Variants in CDCA8 observed in about 807,000 individuals in gnomAD.
CDCA8 encodes cell division cycle associated 8, also known as borealin.
Under a neutral mutation model 40.0 loss-of-function variants are expected in CDCA8, and 25 were observed. The ratio of observed to expected loss-of-function variants is 0.63; its 90% CI spans 0.46 to 0.87. The LOEUF (loss-of-function observed/expected upper bound fraction) is 0.87, where lower values mean the gene tolerates loss of function less well. Among genes scored for constraint, CDCA8 ranks in the 40% least tolerant of loss-of-function variants. CDCA8 has a pLI of 0.00. For synonymous variants in CDCA8, 111 were observed against 126.5 expected, an observed-to-expected ratio of 0.88 and a Z score of 0.82; for missense variants, 280 against 348.4, an observed-to-expected ratio of 0.80 and a Z score of 1.56.
Position 37,694,970 on chromosome 1 carries a change from G to C in CDCA8, c.224-940G>C, listed in dbSNP as rs141148102. Among the ~76,000 whole-genome samples, 11 of 152,340 alleles carry C rather than the reference G, an allele frequency of 7.2e-5. No homozygotes were observed. The East Asian group carries it at 1.9e-3, about 27-fold the overall frequency. On this transcript the variant is annotated intron_variant, in intron 2 of 9. Coordinates refer to ENST00000373055, the MANE Select transcript of CDCA8 (RefSeq NM_001256875.2). ...CATCTCTGGAATTCAGTCCAAGGCA[G>C]GGATGGACATTTAAACAGCTTTGAG...
chr1:37,700,684 G>A (rs909971607), intron 5 of CDCA8, among the ~76,000 whole-genome samples, 163 bp downstream of exon 5: 1 of 152,218 alleles, frequency 6.6e-6, no homozygotes, highest in Admixed American at 6.5e-5. Context: ...AAAGTGTGTA[G>A]AACACAGAAG....
At chr1:37,701,857 T>C (rs374224778) in intron 6 of CDCA8, 39 bp downstream of exon 6, 3 of 1,483,246 alleles carry the variant, frequency 2.0e-6, no homozygotes, top group African/African-American at 1.4e-5. Flanking sequence ...TTGGGTTTTA[T>C]TGGAGAGCCA....
intron 6 of CDCA8, among the ~76,000 whole-genome samples, chr1:37,703,040 A>G (rs551874764): frequency 3.8e-4 from 58 of 151,930 alleles, no homozygotes; most frequent in Non-Finnish European, 7.1e-4. Flanking sequence ...GATCTTGGGC[A>G]AGTTTTTAAA....
In CDCA8 at chr1:37,695,959, C is replaced by T; in HGVS notation, c.264+9C>T. 1 of 1,613,522 alleles carries T rather than the reference C, an allele frequency of 6.2e-7. No individual in the cohort carries two copies. The highest frequency in any genetic ancestry group is 8.5e-7 in the Non-Finnish European group (1 of 1,179,476). ...TGGAAGAGGCGGCAACAGTAAGTGA[C>T]CTTTCCTATTTTCCAGCCAGTGGTT... On this transcript the variant is annotated intron_variant, in intron 3 of 9. Transcript: ENST00000373055.
rs1393974542 is a variant in CDCA8, at chr1:37,708,530, T to C, written c.*164T>C. On this transcript the variant is annotated 3_prime_UTR_variant, in exon 10 of 10. Transcript: ENST00000373055. The stretch of plus-strand genomic sequence containing the variant: ...ACGTGCTAGTCCCACACCAGTTAGG[T>C]AGAGCTGTCTGTTCACCCTCCCATC... 3.0e-6 allele frequency: 2 copies of C among 656,374 alleles called. No homozygotes were observed. Among genetic ancestry groups the C allele is most frequent in the East Asian group, 5.6e-5 (2 of 36,036 alleles). The allele number at this position is 656,374 out of a possible 1,614,324, so 40.7% of individuals were successfully genotyped here.
chr1:37,703,018 A>G (rs200530481), intron 6 of CDCA8, among the ~76,000 whole-genome samples: 1 of 151,456 alleles, frequency 6.6e-6, no homozygotes, highest in African/African-American at 2.4e-5. Context: ...GCTCCATCCT[A>G]ATTGGATATG....
At chr1:37,708,210 T>A in intron 9 of CDCA8, 112 bp from the exon 10 acceptor site, 1 of 894,904 alleles carries the variant, frequency 1.1e-6, no homozygotes, top group South Asian at 1.3e-5. Flanking sequence ...GAAAGGTGAA[T>A]TCATGTGTGA....
At chr1:37,695,278 A>G (rs1392197816) in intron 2 of CDCA8, among the ~76,000 whole-genome samples, 3 of 151,164 alleles carry the variant, frequency 2.0e-5, no homozygotes, top group African/African-American at 4.9e-5. Context: ...CTATAATCCT[A>G]GCACTTTGGG....
Position 37,707,042 on chromosome 1 carries a change from T to C in CDCA8, c.776T>C (p.Leu259Ser). ...ATTGCCCAGCTGGATCCAGAGGCCT[T>C]GGGAAACATTAAGAAGCTCTCCGTA... ...HSIAQLDPEA[L>S]GNIKKLSNRL... The change falls in exon 9 of 10, where the codon TTG (leucine) becomes TCG (serine). Residue 259 changes from leucine to serine, a missense_variant. Transcript: ENST00000373055. 6.2e-7 allele frequency: 1 copy of C among 1,614,138 alleles called. No homozygotes were observed.
intron 9 of CDCA8, among the ~76,000 whole-genome samples, chr1:37,707,293 C>T (rs934406262): frequency 6.6e-6 from 1 of 152,248 alleles, no homozygotes; most frequent in South Asian, 2.1e-4. Context: ...AGAAGTTCCA[C>T]TGCAAAATCA....
chr1:37,697,885 T>C (rs1645538351), intron 3 of CDCA8, among the ~76,000 whole-genome samples: 1 of 152,214 alleles, frequency 6.6e-6, no homozygotes, highest in African/African-American at 2.4e-5. Context: ...AATCCTTCTC[T>C]GAGTATGTCA....
chr1:37,695,541 C>T (rs1183449722), intron 2 of CDCA8, among the ~76,000 whole-genome samples: 2 of 152,090 alleles, frequency 1.3e-5, no homozygotes, highest in East Asian at 3.9e-4. Flanking sequence ...GGAGGCGCCA[C>T]TCCACTCCAG....
rs994237475 is a variant in CDCA8, at chr1:37,692,602, G to A, written c.-89G>A. 11 of 1,031,240 alleles carry A rather than the reference G, an allele frequency of 1.1e-5. No individual in the cohort carries two copies. In the African/African-American group the frequency reaches 1.6e-4, roughly 15 times the overall value. 63.9% of individuals were successfully genotyped at this position (1,031,240 alleles called of 1,614,324 possible). ...AGGTACGTGCCTGGCGACTTCTTCGGGTGGTCCCCGTCCGCCCTCCTCGTC... is the reference window on the plus strand; with the variant it reads ...AGGTACGTGCCTGGCGACTTCTTCGAGTGGTCCCCGTCCGCCCTCCTCGTC... On this transcript the variant is annotated 5_prime_UTR_variant, in exon 1 of 10. Transcript: ENST00000373055.
rs893062282 is a variant in CDCA8, at chr1:37,692,742, A to T, written c.52A>T (p.Arg18Trp). 2 of 1,613,416 alleles carry T rather than the reference A, an allele frequency of 1.2e-6. No individual in the cohort carries two copies. The highest frequency in any genetic ancestry group is 1.7e-6 in the Non-Finnish European group (2 of 1,179,962). The part of the protein sequence containing the change: ...SRVAKTNSLR[R>W]RKLASFLKDF... Reference sequence around the variant, plus strand: ...GGTGGCCAAGACCAACTCCTTACGGAGGCGGAAGCTCGCCTCCTTTCTGAA... The same window carrying T: ...GGTGGCCAAGACCAACTCCTTACGGTGGCGGAAGCTCGCCTCCTTTCTGAA... Residue 18 changes from arginine to tryptophan, a missense_variant, in exon 1 of 10, where the codon AGG becomes TGG. By Grantham distance (101) the Arg-to-Trp change is moderately radical (BLOSUM62 -3). Coordinates refer to ENST00000373055, the MANE Select transcript of CDCA8 (RefSeq NM_001256875.2).
At position 37,693,012 on chromosome 1, in the gene CDCA8, A is replaced by G. The variant is rs142003803; in HGVS notation, c.202A>G (p.Met68Val). The G allele has an allele frequency of 8.7e-6, 14 of 1,614,030 alleles. No homozygotes were observed. The African/African-American group carries it at 1.9e-4, about 22-fold the overall frequency. The change falls in exon 2 of 10, where the codon ATG becomes GTG. Residue 68 changes from methionine (M) to valine (V), a missense_variant. Physicochemically the swap from Met to Val is conservative, Grantham distance 21. Transcript: ENST00000373055. ...GCGGCTCCCCAAGGCTCTGCGCGAG[A>G]TGAACTGGCTTGACTACTTCGGTAA... Reference protein sequence around the residue: ...ILRLPKALREMNWLDYFALGG... With the variant: ...ILRLPKALREVNWLDYFALGG...
intron 7 of CDCA8, among the ~76,000 whole-genome samples, chr1:37,704,443 C>T (rs918848520): frequency 2.5e-4 from 38 of 152,116 alleles, no homozygotes; most frequent in African/African-American, 7.2e-4. Flanking sequence ...GAAAGAGCAC[C>T]GTGATCACAG....
Position 37,707,060 on chromosome 1 carries a change from T to C in CDCA8, c.794T>C (p.Leu265Pro). Reference sequence around the variant, plus strand: ...GAGGCCTTGGGAAACATTAAGAAGCTCTCCGTAAGTCTCATATTCATCTCC... The same window carrying C: ...GAGGCCTTGGGAAACATTAAGAAGCCCTCCGTAAGTCTCATATTCATCTCC... ...DPEALGNIKKLSNRLAQICSS... is the reference protein window; with the variant it reads ...DPEALGNIKKPSNRLAQICSS... Residue 265 changes from leucine (L) to proline (P), a missense_variant, in exon 9 of 10, where the codon CTC (leucine) becomes CCC (proline). Transcript: ENST00000373055. 6.2e-7 allele frequency: 1 copy of C among 1,612,774 alleles called. No individual in the cohort carries two copies. The highest frequency in any genetic ancestry group is 2.2e-5 in the East Asian group (1 of 44,880).
At position 37,696,723 on chromosome 1, in the gene CDCA8, A is replaced by G. The variant is rs1645529692; in HGVS notation, c.264+773A>G. Among the ~76,000 whole-genome samples the G allele has an allele frequency of 6.6e-6, 1 of 152,212 alleles. No individual in the cohort carries two copies. The highest frequency in any genetic ancestry group is 2.4e-5 in the African/African-American group (1 of 41,460). ...CATTTGTGTATCTTTCTGTTAGTTT[A>G]TTGTAGCCTTGATCAGATTTACAAA... On this transcript the variant is annotated intron_variant, in intron 3 of 9. Coordinates refer to ENST00000373055, the MANE Select transcript of CDCA8 (RefSeq NM_001256875.2). This position sits in a 1 kb window ranked among gnomAD's most constrained non-coding sequence, Gnocchi z 5.0.
intron 5 of CDCA8, 43 bp from the exon 6 acceptor site, chr1:37,701,711 C>T (rs1645565353): frequency 7.7e-7 from 1 of 1,302,496 alleles, no homozygotes; most frequent in South Asian, 1.3e-5. Flanking sequence ...TTCCTCTTTG[C>T]TGGGTTTTTT....
Sources: gnomAD v4.1 joint callset for allele counts (sites outside exome capture counted in the v4.1 genomes callset) on GRCh38, gnomAD v4.1.1 for gene constraint, Gnocchi (gnomAD v3.1) non-coding constraint, MANE v1.5 for transcripts, NCBI Gene and HGNC (gene_info 2026-07-23, HGNC 2026-07-21) for gene names.